The following SCTR variants were observed in gnomAD, a reference collection of about 807,000 sequenced individuals.
SCTR encodes the protein pancreatic secretin receptor.
A neutral mutation model predicts 60.8 loss-of-function variants in SCTR; 56 were observed. The ratio of observed to expected loss-of-function variants is 0.92; its 90% CI spans 0.74 to 1.15. SCTR has a LOEUF of 1.15. Ranked by LOEUF, SCTR falls within the 50% of genes most tolerant of loss-of-function variation. SCTR has a pLI of 0.00. For synonymous variants in SCTR, 202 were observed against 217.0 expected (o/e 0.93, Z 0.61); for missense variants, 562 against 550.4 (o/e 1.02, Z -0.21).
intron 1 of SCTR, among the ~76,000 whole-genome samples, chr2:119,518,361 G>GAAATTGAAAGACAC (rs1385826559): frequency 0.028 from 4,307 of 152,260 alleles, 198 homozygotes; most frequent in African/African-American, 0.095. Flanking sequence ...ATGAGAGGGA[G>GAAATTGAAAGACAC]GCGGGAGGTG....
intron 1 of SCTR, among the ~76,000 whole-genome samples, chr2:119,504,253 T>C (rs1247846671): frequency 6.6e-6 from 1 of 152,188 alleles, no homozygotes; most frequent in Non-Finnish European, 1.5e-5. Flanking sequence ...TACACAAAAA[T>C]TAAAATGGAT....
intron 1 of SCTR, among the ~76,000 whole-genome samples, chr2:119,502,428 A>G (rs1678583937): frequency 6.6e-6 from 1 of 152,246 alleles, no homozygotes. Context: ...AAGACTTGAC[A>G]TAGTAAAGAT....
chr2:119,484,396 C>T (rs1241179648), intron 2 of SCTR, among the ~76,000 whole-genome samples: 1 of 152,108 alleles, frequency 6.6e-6, no homozygotes, highest in Non-Finnish European at 1.5e-5. Flanking sequence ...ACAATGCCAC[C>T]ACCTGGGGAG....
chr2:119,447,355 A>G (rs546768633), intron 10 of SCTR, among the ~76,000 whole-genome samples: 124 of 152,356 alleles, frequency 8.1e-4, no homozygotes, highest in Non-Finnish European at 1.5e-3. Context: ...AATTTCAGAT[A>G]AACAATGGAC....
intron 1 of SCTR, among the ~76,000 whole-genome samples, chr2:119,514,844 C>A (rs1679063461): frequency 6.6e-6 from 1 of 152,082 alleles, no homozygotes; most frequent in African/African-American, 2.4e-5. Context: ...TGCCACTGCA[C>A]TCCAGCCTGG....
intron 2 of SCTR, among the ~76,000 whole-genome samples, chr2:119,480,182 G>C (rs575819284): frequency 3.9e-5 from 6 of 152,170 alleles, no homozygotes; most frequent in Non-Finnish European, 5.9e-5. Flanking sequence ...GTATGGTACT[G>C]TATTAGTCTG....
intron 1 of SCTR, among the ~76,000 whole-genome samples, chr2:119,508,688 C>T (rs1243434633): frequency 6.6e-6 from 1 of 151,940 alleles, no homozygotes; most frequent in Admixed American, 6.6e-5. Flanking sequence ...TGTGCCTGGC[C>T]TAAATTAATT....
In SCTR at chr2:119,448,772, G is replaced by A. The variant is rs1263788357; in HGVS notation, c.930C>T (p.Phe310=). The A allele has an allele frequency of 6.3e-7, 1 of 1,578,508 alleles. No homozygotes were observed. The highest frequency in any genetic ancestry group is 1.7e-5 in the Admixed American group (1 of 59,940). ...GPVILSILIN[F]ILFINILRIL... ...TTCTTAGAATGTTTATGAAAAGGATGAAATTAATCTGCAAAACACAAGGCA... is the reference window on the plus strand; with the variant it reads ...TTCTTAGAATGTTTATGAAAAGGATAAAATTAATCTGCAAAACACAAGGCA... The change falls in exon 10 of 13, where the codon TTC becomes TTT. Residue 310 remains phenylalanine, a synonymous_variant. Transcript: ENST00000019103.
In SCTR at chr2:119,456,786, C is replaced by A. The variant is rs114479322; in HGVS notation, c.791-3439G>T. 6.5e-3 allele frequency among the ~76,000 whole-genome samples: 994 copies of A among 152,200 alleles called. 8 individuals carry two copies. Among genetic ancestry groups the A allele is most frequent in the Non-Finnish European group, 8.3e-3 (564 of 68,014 alleles). On this transcript the variant is annotated intron_variant, in intron 7 of 12. Coordinates refer to ENST00000019103, the MANE Select transcript of SCTR (RefSeq NM_002980.3). ...TACTGGAGTATGGTGGGCCACTACT[C>A]CAGCATGATTGGCATCCTTATAAGA...
At chr2:119,485,118 C>G (rs995202559) in intron 2 of SCTR, among the ~76,000 whole-genome samples, 1 of 152,240 alleles carries the variant, frequency 6.6e-6, no homozygotes, top group Non-Finnish European at 1.5e-5. Flanking sequence ...AGGCGAGATC[C>G]CCCTGAACGT....
rs558849441 is a variant in SCTR, at chr2:119,495,106, T to C, written c.73-558A>G. Among the ~76,000 whole-genome samples, 3 of 54,998 alleles carry C rather than the reference T, an allele frequency of 5.5e-5. No individual in the cohort carries two copies. In the South Asian group the frequency reaches 2.0e-3, roughly 37 times the overall value. 36.1% of individuals were successfully genotyped at this position (54,998 alleles called of 152,430 possible). A position where few individuals can be genotyped will look rare whatever the true frequency, so the allele number is the denominator to read the frequency against. ...AGGCATGTGCCACCATGCCTGGATA[T>C]AGATTTACACACACACACACACAAA... On this transcript the variant is annotated intron_variant, in intron 1 of 12. Transcript: ENST00000019103.
At chr2:119,453,225 T>C (rs1210171362) in intron 8 of SCTR, 62 bp downstream of exon 8, 3 of 1,277,200 alleles carry the variant, frequency 2.3e-6, no homozygotes, top group Middle Eastern at 1.8e-4. Flanking sequence ...GAAGTAACTA[T>C]GCTGTTTGAA....
chr2:119,510,460 C>G (rs79825157), intron 1 of SCTR, among the ~76,000 whole-genome samples: 2,240 of 152,130 alleles, frequency 0.015, 26 homozygotes, highest in South Asian at 0.034. Context: ...GCATGTGGCT[C>G]CTTGGAGCAA....
At chr2:119,460,021 G>A (rs1683537489) in intron 7 of SCTR, among the ~76,000 whole-genome samples, 1 of 151,884 alleles carries the variant, frequency 6.6e-6, no homozygotes, top group Non-Finnish European at 1.5e-5. Context: ...GCATAACTCT[G>A]CAACCTCCCG....
Position 119,440,046 on chromosome 2 carries a change from TC to T in SCTR, c.*70del, listed in dbSNP as rs1258439952. Reference sequence around the variant, plus strand: ...GGGTGTCTGCTGGGAAGACTGGCTGTCCCACAGCAGTGCCCAGCCTTCGCAG... The same window carrying T: ...GGGTGTCTGCTGGGAAGACTGGCTGTCCACAGCAGTGCCCAGCCTTCGCAG... On this transcript the variant is annotated 3_prime_UTR_variant, in exon 13 of 13. Transcript: ENST00000019103. The T allele has an allele frequency of 6.7e-7, 1 of 1,485,892 alleles. No homozygotes were observed. Among genetic ancestry groups the T allele is most frequent in the Non-Finnish European group, 9.2e-7 (1 of 1,085,728 alleles). The allele number at this position is 1,485,892 out of a possible 1,614,324, so 92.0% of individuals were successfully genotyped here.
intron 2 of SCTR, among the ~76,000 whole-genome samples, chr2:119,483,514 C>G (rs1260124072): frequency 6.6e-6 from 1 of 152,178 alleles, no homozygotes; most frequent in Non-Finnish European, 1.5e-5. Flanking sequence ...TGTTCTCTCC[C>G]AGCCCTGGCT....
chr2:119,510,678 A>G (rs1185001431), intron 1 of SCTR, among the ~76,000 whole-genome samples: 1 of 152,182 alleles, frequency 6.6e-6, no homozygotes. Flanking sequence ...GCTGAACTTT[A>G]TGTAAAATTT....
chr2:119,492,072 G>A (rs181385659), intron 2 of SCTR, among the ~76,000 whole-genome samples: 1 of 152,322 alleles, frequency 6.6e-6, no homozygotes, highest in East Asian at 1.9e-4. Flanking sequence ...TGGCTTCCCA[G>A]TATATCTCAT....
At chr2:119,469,215 G>A (rs148345869) in intron 4 of SCTR, among the ~76,000 whole-genome samples, 8 of 152,134 alleles carry the variant, frequency 5.3e-5, no homozygotes, top group East Asian at 1.9e-4. Context: ...ATATAATCTC[G>A]CCATGTACAG....
Sources: gnomAD v4.1 joint callset for allele counts (sites outside exome capture counted in the v4.1 genomes callset) on GRCh38, gnomAD v4.1.1 for gene constraint, MANE v1.5 for transcripts, NCBI Gene and HGNC (gene_info 2026-07-23, HGNC 2026-07-21) for gene names.